Variants in POLB observed in about 807,000 individuals in gnomAD.
POLB encodes 5'-dRP lyase.
Under a neutral mutation model 52.7 loss-of-function variants are expected in POLB, and 37 were observed. That is an observed-to-expected ratio of 0.70 (90% CI 0.54 to 0.92). The LOEUF is 0.92. Among genes scored for constraint, POLB ranks in the 40% least tolerant of loss-of-function variants. POLB has a pLI of 0.00. For missense variants in POLB, 313 were observed against 400.8 expected (o/e 0.78, Z 1.87); for synonymous variants, 138 against 131.3 (o/e 1.05, Z -0.35).
intron 7 of POLB, among the ~76,000 whole-genome samples, chr8:42,356,053 A>G (rs891697863): frequency 6.6e-6 from 1 of 152,250 alleles, no homozygotes. Context: ...ATGTTTCTAT[A>G]TCAGCATCAA....
intron 13 of POLB, 151 bp from the exon 14 acceptor site, chr8:42,371,412 C>T: frequency 2.4e-6 from 1 of 413,990 alleles, no homozygotes. Flanking sequence ...CGTGAGCTAC[C>T]ACATCCGCCG....
intron 2 of POLB, 85 bp downstream of exon 2, chr8:42,339,154 G>A (rs1408943782): frequency 1.9e-6 from 2 of 1,034,668 alleles, no homozygotes; most frequent in Non-Finnish European, 3.1e-6. Context: ...GGGCCCAGTG[G>A]ATATTTGGTC....
At chr8:42,368,831 T>G (rs1250282429) in intron 11 of POLB, 1 of 152,474 alleles carries the variant, frequency 6.6e-6, no homozygotes, top group Non-Finnish European at 1.5e-5. Flanking sequence ...TTCTATAGTA[T>G]TCTGTTCTTA....
At chr8:42,362,120 C>T (rs546852085) in intron 10 of POLB, among the ~76,000 whole-genome samples, 15 of 152,060 alleles carry the variant, frequency 9.9e-5, no homozygotes, top group Non-Finnish European at 1.0e-4. Flanking sequence ...ATTAACCAGG[C>T]GTGGTGGTGC....
chr8:42,353,209 T>C (rs1823088644), intron 6 of POLB, among the ~76,000 whole-genome samples: 1 of 150,124 alleles, frequency 6.7e-6, no homozygotes, highest in Non-Finnish European at 1.5e-5. Flanking sequence ...CCCAGGTTCA[T>C]GCCATTCTCC....
chr8:42,352,137 GTAAC>G (rs1823009460), intron 5 of POLB, among the ~76,000 whole-genome samples: 1 of 152,082 alleles, frequency 6.6e-6, no homozygotes, highest in African/African-American at 2.4e-5. Flanking sequence ...TCTTGTTTAT[GTAAC>G]TAACTATTGT....
chr8:42,363,709 TAATC>T (rs1360513864), intron 11 of POLB, among the ~76,000 whole-genome samples: 1 of 152,084 alleles, frequency 6.6e-6, no homozygotes, highest in African/African-American at 2.4e-5. Context: ...TGAAAAATAT[TAATC>T]TATTTCAACA....
chr8:42,371,773 C>T lies in POLB; in HGVS notation c.*116C>T, dbSNP rs55864292. ...TGATTGTTTCTTCTTCATGCTTTTG[C>T]TTGCAATGTAGTCAATAAAACCTCA... is the stretch of plus-strand genomic sequence containing the variant. On this transcript the variant is annotated 3_prime_UTR_variant, in exon 14 of 14. Coordinates refer to ENST00000265421, the MANE Select transcript of POLB (RefSeq NM_002690.3). 1,717 of 665,456 alleles carry T rather than the reference C, an allele frequency of 2.6e-3. 49 individuals are homozygous for T. The East Asian group carries it at 0.038, about 15-fold the overall frequency. The allele number at this position is 665,456 out of a possible 1,614,324, so 41.2% of individuals were successfully genotyped here.
chr8:42,369,205 T>C, intron 11 of POLB, 66 bp from the exon 12 acceptor site: 1 of 966,186 alleles, frequency 1.0e-6, no homozygotes, highest in Admixed American at 2.0e-5. Context: ...CCTTGTGTTT[T>C]ACTTGATTAA....
Position 42,357,178 on chromosome 8 carries a change from G to T in POLB, c.432G>T (p.Gly144=). 1 of 1,530,588 alleles carries T rather than the reference G, an allele frequency of 6.5e-7. No homozygotes were observed. The highest frequency in any genetic ancestry group is 9.0e-7 in the Non-Finnish European group (1 of 1,106,380). The allele number at this position is 1,530,588 out of a possible 1,614,324, so 94.8% of individuals were successfully genotyped here. A position where few individuals can be genotyped will look rare whatever the true frequency, so the allele number is the denominator to read the frequency against. ...HHQRIGLKYF[G]DFEKRIPREE... Reference sequence around the variant, plus strand: ...TATTCTGTCTTTATAGATATTTTGGGGACTTTGAAAAAAGAATTCCTCGTG... The same window carrying T: ...TATTCTGTCTTTATAGATATTTTGGTGACTTTGAAAAAAGAATTCCTCGTG... Residue 144 remains glycine, a synonymous_variant, in exon 8 of 14, where the codon GGG becomes GGT. Coordinates refer to ENST00000265421, the MANE Select transcript of POLB (RefSeq NM_002690.3).
chr8:42,339,118 T>G (rs1323938448), intron 2 of POLB, 49 bp downstream of exon 2: 2 of 1,414,910 alleles, frequency 1.4e-6, no homozygotes, highest in African/African-American at 1.4e-5. Flanking sequence ...GGATACCCTG[T>G]TTAGTGTGGC....
chr8:42,347,953 A>T (rs1822737965), intron 3 of POLB, among the ~76,000 whole-genome samples: 1 of 152,178 alleles, frequency 6.6e-6, no homozygotes, highest in African/African-American at 2.4e-5. Flanking sequence ...GACATTTTTC[A>T]ATACACATGA....
chr8:42,345,605 G>T (rs951003562), intron 3 of POLB, among the ~76,000 whole-genome samples: 6 of 151,684 alleles, frequency 4.0e-5, no homozygotes, highest in Non-Finnish European at 5.9e-5. Flanking sequence ...TTTGGATTTT[G>T]GATTTTTTTT....
At chr8:42,370,570 A>G (rs999859754) in intron 13 of POLB, among the ~76,000 whole-genome samples, 1 of 152,072 alleles carries the variant, frequency 6.6e-6, no homozygotes, top group Non-Finnish European at 1.5e-5. Context: ...AGACTAGGGC[A>G]GTGCTTCTCA....
At chr8:42,338,721 T>C in intron 1 of POLB, 36 bp downstream of exon 1, 1 of 1,593,132 alleles carries the variant, frequency 6.3e-7, no homozygotes, top group African/African-American at 1.3e-5. Flanking sequence ...GCTTTCTTCT[T>C]TCCTTCCAGC....
chr8:42,351,051 C>CT (rs1198507633), intron 5 of POLB, among the ~76,000 whole-genome samples: 6 of 151,886 alleles, frequency 4.0e-5, no homozygotes, highest in African/African-American at 1.5e-4. Context: ...ATTTTTGTAT[C>CT]TTTTGTAGAG....
chr8:42,341,778 C>CAGCCCCCTCCTG (rs1822217017), intron 2 of POLB: 1 of 467,672 alleles, frequency 2.1e-6, no homozygotes, highest in African/African-American at 2.0e-5. Context: ...TAGCTCTCTG[C>CAGCCCCCTCCTG]AGCCCCCTCC....
intron 13 of POLB, 194 bp downstream of exon 13, chr8:42,370,182 G>A: frequency 1.5e-6 from 1 of 672,330 alleles, no homozygotes; most frequent in Non-Finnish European, 2.7e-6. Flanking sequence ...GGCCATCAAG[G>A]CAAGCGTTAG....
intron 11 of POLB, among the ~76,000 whole-genome samples, chr8:42,363,895 G>A (rs138783825): frequency 2.0e-5 from 3 of 151,670 alleles, no homozygotes; most frequent in African/African-American, 7.2e-5. Flanking sequence ...AACACCAACA[G>A]GAAGGCAGAT....
Sources: gnomAD v4.1 joint callset for allele counts (sites outside exome capture counted in the v4.1 genomes callset) on GRCh38, gnomAD v4.1.1 for gene constraint, MANE v1.5 for transcripts, NCBI Gene and HGNC (gene_info 2026-07-23, HGNC 2026-07-21) for gene names.